Variants in ANKRD50 observed in about 807,000 individuals in gnomAD.
ANKRD50 encodes the protein ankyrin repeat domain-containing protein 50.
Under a neutral mutation model 112.0 loss-of-function variants are expected in ANKRD50, and 40 were observed. The observed-to-expected ratio is 0.36, with a 90% CI of 0.28 to 0.46. The LOEUF is 0.46. ANKRD50 is among the 20% of genes least tolerant of loss of function. ANKRD50 has a pLI of 1.00. For missense variants in ANKRD50, 1,487 were observed against 1,701.7 expected (o/e 0.87, Z 2.22); for synonymous variants, 613 against 619.1 (o/e 0.99, Z 0.15).
Position 124,669,612 on chromosome 4 carries a change from G to A in ANKRD50, c.3665C>T (p.Ser1222Leu). 1 of 1,613,618 alleles carries A rather than the reference G, an allele frequency of 6.2e-7. No homozygotes were observed. The highest frequency in any genetic ancestry group is 8.5e-7 in the Non-Finnish European group (1 of 1,179,812). ...LSFTEQIQQHSLPRSRSRQSI... is the reference protein window; with the variant it reads ...LSFTEQIQQHLLPRSRSRQSI... ...CTGTCGACTTCTACTGCGTGGCAATGAATGCTGCTGAATTTGTTCTGTAAA... is the reference window on the plus strand; with the variant it reads ...CTGTCGACTTCTACTGCGTGGCAATAAATGCTGCTGAATTTGTTCTGTAAA... Residue 1222 changes from serine to leucine, a missense_variant, in exon 4 of 5, where the codon TCA becomes TTA. This residue lies in a region of ANKRD50 where 441 missense variants were observed against 432.2 expected (regional missense o/e 1.02). Transcript: ENST00000504087.
chr4:124,687,751 C>T (rs1371101001), intron 2 of ANKRD50, among the ~76,000 whole-genome samples: 2 of 152,096 alleles, frequency 1.3e-5, no homozygotes, highest in Non-Finnish European at 2.9e-5. Context: ...ATCAAATAAA[C>T]ATAAAAACGT....
chr4:124,677,687 T>C (rs565093623), intron 3 of ANKRD50, among the ~76,000 whole-genome samples: 1 of 152,100 alleles, frequency 6.6e-6, no homozygotes, highest in Non-Finnish European at 1.5e-5. Flanking sequence ...ATATAAATTG[T>C]GTAAAGTCAC....
At chr4:124,695,124 T>C (rs772930640) in intron 2 of ANKRD50, among the ~76,000 whole-genome samples, 2 of 151,912 alleles carry the variant, frequency 1.3e-5, no homozygotes, top group Non-Finnish European at 2.9e-5. Context: ...CCAGATAAAA[T>C]GTAGTAGGTG....
Position 124,669,305 on chromosome 4 carries a change from T to C in ANKRD50, c.3972A>G (p.Ala1324=), listed in dbSNP as rs528056780. ...GTATCATAATTTTGCATTGAGATTCTGCTGGCATTTGTTTAGGTGGTGCAG... is the reference window on the plus strand; with the variant it reads ...GTATCATAATTTTGCATTGAGATTCCGCTGGCATTTGTTTAGGTGGTGCAG... The part of the protein sequence containing the change: ...GTAAPPKQMP[A]ESQCKIMIPS... The change falls in exon 4 of 5, where the codon GCA becomes GCG. Residue 1324 remains alanine, a synonymous_variant. Coordinates refer to ENST00000504087, the MANE Select transcript of ANKRD50 (RefSeq NM_020337.3). 1 of 1,613,846 alleles carries C rather than the reference T, an allele frequency of 6.2e-7. No homozygotes were observed. Among genetic ancestry groups the C allele is most frequent in the East Asian group, 2.2e-5 (1 of 44,852 alleles).
At chr4:124,682,541 T>G (rs1356020769) in intron 2 of ANKRD50, among the ~76,000 whole-genome samples, 1 of 152,110 alleles carries the variant, frequency 6.6e-6, no homozygotes, top group African/African-American at 2.4e-5. Context: ...TTAGTTTTGC[T>G]TCCTATATTT....
intron 2 of ANKRD50, among the ~76,000 whole-genome samples, chr4:124,695,031 T>TA (rs1725222154): frequency 6.6e-6 from 1 of 152,110 alleles, no homozygotes; most frequent in Non-Finnish European, 1.5e-5. Context: ...TTAATTTTTT[T>TA]AAAAAGAAAT....
At chr4:124,685,935 G>A (rs1724996965) in intron 2 of ANKRD50, among the ~76,000 whole-genome samples, 1 of 152,030 alleles carries the variant, frequency 6.6e-6, no homozygotes, top group Non-Finnish European at 1.5e-5. Flanking sequence ...ATGATGTTTT[G>A]AAGTAGATAT....
In ANKRD50 at chr4:124,710,962, C is replaced by T. The variant is rs1362297546; in HGVS notation, c.-451G>A. On this transcript the variant is annotated 5_prime_UTR_variant, in exon 2 of 5. The change creates a premature stop within an existing upstream ORF in the 5' untranslated region. Transcript: ENST00000504087. ...GACAATTAGATTCTGAAAAGAGGTC[C>T]ACTGCATTAAATGGCATCAGAGAGA... The T allele has an allele frequency of 4.8e-6, 2 of 416,274 alleles. No individual in the cohort carries two copies. Among genetic ancestry groups the T allele is most frequent in the Admixed American group, 3.9e-5 (1 of 25,906 alleles). The allele number at this position is 416,274 out of a possible 1,614,324, so 25.8% of individuals were successfully genotyped here. A position where few individuals can be genotyped will look rare whatever the true frequency, so the allele number is the denominator to read the frequency against.
chr4:124,710,731 G>A lies in ANKRD50; in HGVS notation c.-220C>T, dbSNP rs373610983. On this transcript the variant is annotated 5_prime_UTR_variant, in exon 2 of 5. Coordinates refer to ENST00000504087, the MANE Select transcript of ANKRD50 (RefSeq NM_020337.3). ...TCTATGTATTAGTTGTTGAACTGAG[G>A]GAGAAACGCCTGATTCCACAGCTCA... 29 of 560,270 alleles carry A rather than the reference G, an allele frequency of 5.2e-5. No individual in the cohort carries two copies. Among genetic ancestry groups the A allele is most frequent in the African/African-American group, 4.1e-4 (22 of 53,716 alleles). 34.7% of individuals were successfully genotyped at this position (560,270 alleles called of 1,614,324 possible). A position where few individuals can be genotyped will look rare whatever the true frequency, so the allele number is the denominator to read the frequency against.
intron 3 of ANKRD50, among the ~76,000 whole-genome samples, chr4:124,677,401 G>A (rs552570198): frequency 4.6e-5 from 7 of 151,534 alleles, no homozygotes; most frequent in Non-Finnish European, 5.9e-5. Context: ...ACAGGATAAC[G>A]GAAAAATAAA....
chr4:124,683,756 C>CA (rs33990913), intron 2 of ANKRD50, among the ~76,000 whole-genome samples: 12,779 of 86,360 alleles, frequency 0.15, 796 homozygotes, highest in Non-Finnish European at 0.2. Context: ...GACTCCGTCT[C>CA]AAAAAAAAAA....
intron 2 of ANKRD50, among the ~76,000 whole-genome samples, chr4:124,681,576 C>A (rs1284332831): frequency 6.6e-6 from 1 of 152,120 alleles, no homozygotes; most frequent in Admixed American, 6.5e-5. Flanking sequence ...CTAGCCATAA[C>A]CAATATGAGA....
At chr4:124,707,596 GAAGA>G in intron 2 of ANKRD50, among the ~76,000 whole-genome samples, 1 of 152,190 alleles carries the variant, frequency 6.6e-6, no homozygotes, top group South Asian at 2.1e-4. Context: ...CTTTAACGAT[GAAGA>G]AAGAAAGTGA....
chr4:124,684,798 T>C (rs371814251), intron 2 of ANKRD50, among the ~76,000 whole-genome samples: 1 of 152,202 alleles, frequency 6.6e-6, no homozygotes, highest in Non-Finnish European at 1.5e-5. Context: ...ATGGTCTTAG[T>C]CATGTAAAAA....
chr4:124,711,546 G>T (rs1269526533), intron 1 of ANKRD50, among the ~76,000 whole-genome samples: 1 of 152,114 alleles, frequency 6.6e-6, no homozygotes, highest in Non-Finnish European at 1.5e-5. Context: ...AGGAGGGGGG[G>T]AGAAACTTTA....
At chr4:124,688,352 T>C (rs2110518070) in intron 2 of ANKRD50, among the ~76,000 whole-genome samples, 1 of 152,142 alleles carries the variant, frequency 6.6e-6, no homozygotes, top group South Asian at 2.1e-4. Flanking sequence ...GTGGTTGCCA[T>C]AGGTTGGAGT....
chr4:124,678,024 TGAA>T (rs1452571389), intron 3 of ANKRD50, among the ~76,000 whole-genome samples: 1 of 152,066 alleles, frequency 6.6e-6, no homozygotes, highest in African/African-American at 2.4e-5. Context: ...GCAAGGGAAT[TGAA>T]GAGAGACAAC....
At chr4:124,690,650 T>C (rs1042298968) in intron 2 of ANKRD50, among the ~76,000 whole-genome samples, 1 of 152,224 alleles carries the variant, frequency 6.6e-6, no homozygotes, top group South Asian at 2.1e-4. Context: ...AAAAAGACCA[T>C]GCATGGTTTA....
At chr4:124,695,800 A>G (rs1346031128) in intron 2 of ANKRD50, among the ~76,000 whole-genome samples, 2 of 152,194 alleles carry the variant, frequency 1.3e-5, no homozygotes, top group Admixed American at 6.5e-5. Context: ...CATAAAAATA[A>G]TATAAATAAA....
Sources: allele counts gnomAD v4.1 joint callset (sites outside exome capture counted in the v4.1 genomes callset), GRCh38; gene constraint gnomAD v4.1.1; regional missense constraint gnomAD v4.1.1; transcripts MANE v1.5; gene names NCBI Gene and HGNC (gene_info 2026-07-23, HGNC 2026-07-21).